Variants in RANBP2 observed in about 807,000 individuals in gnomAD.
The protein encoded by RANBP2 is RAN binding protein 2.
RANBP2 carries 57 observed loss-of-function variants against 303.6 expected under a neutral mutation model. The observed-to-expected ratio is 0.19, with a 90% confidence interval of 0.15 to 0.23. The LOEUF (loss-of-function observed/expected upper bound fraction) is 0.23, where lower values mean the gene tolerates loss of function less well. Among genes scored for constraint, RANBP2 ranks in the 10% least tolerant of loss-of-function variants. The probability of loss-of-function intolerance (pLI) is 1.00; values close to 1 mark genes in which losing one functional copy is unlikely to be tolerated. For missense variants in RANBP2, 3,138 were observed against 3,780.8 expected (o/e 0.83, Z 4.46); for synonymous variants, 1,167 against 1,301.5 (o/e 0.90, Z 2.23).
chr2:109,521,610 C>T, the RANBP2 span, among the ~76,000 whole-genome samples: 2 of 152,212 alleles, frequency 1.3e-5, no homozygotes, highest in Non-Finnish European at 2.9e-5. Flanking sequence ...CTATTCTATT[C>T]TACAGTGTTC....
chr2:109,691,062 A>G, the RANBP2 span, among the ~76,000 whole-genome samples: 1 of 152,200 alleles, frequency 6.6e-6, no homozygotes, highest in Non-Finnish European at 1.5e-5. Context: ...CAGGTTCTTT[A>G]CAAATGACAG....
the RANBP2 span, among the ~76,000 whole-genome samples, chr2:108,937,799 C>T: frequency 1.3e-5 from 2 of 152,086 alleles, no homozygotes; most frequent in Admixed American, 1.3e-4. Flanking sequence ...CAAACCCAGA[C>T]AGGCCCCATG....
At chr2:108,772,093 G>A (rs1222345990) in intron 21 of RANBP2, among the ~76,000 whole-genome samples, 1 of 152,208 alleles carries the variant, frequency 6.6e-6, no homozygotes, top group Admixed American at 6.5e-5. Context: ...TGCCAGGCAC[G>A]TGTTTTGAGG....
chr2:109,529,165 C>T, the RANBP2 span, among the ~76,000 whole-genome samples: 8 of 152,144 alleles, frequency 5.3e-5, no homozygotes, highest in East Asian at 7.7e-4. Context: ...TTGATGGTGG[C>T]GGGTCCTGGA....
At chr2:109,053,851 C>T in the RANBP2 span, among the ~76,000 whole-genome samples, 1 of 152,154 alleles carries the variant, frequency 6.6e-6, no homozygotes, top group African/African-American at 2.4e-5. Flanking sequence ...CATCAAGTTC[C>T]CTTTCTGAGC....
chr2:108,880,142 A>G, the RANBP2 span, among the ~76,000 whole-genome samples: 1 of 151,770 alleles, frequency 6.6e-6, no homozygotes, highest in Admixed American at 6.6e-5. Context: ...ACCAAAAGCT[A>G]TTTCTTTGAA....
the RANBP2 span, among the ~76,000 whole-genome samples, chr2:108,974,555 C>G: frequency 4.6e-5 from 7 of 151,402 alleles, no homozygotes; most frequent in African/African-American, 1.7e-4. Context: ...CATGATGAAA[C>G]CCCATCTCTA....
chr2:109,106,803 C>A, the RANBP2 span, among the ~76,000 whole-genome samples: 1 of 152,122 alleles, frequency 6.6e-6, no homozygotes, highest in East Asian at 1.9e-4. Context: ...CACCACTGCA[C>A]TCCATTCTGG....
chr2:109,232,886 C>T, the RANBP2 span, among the ~76,000 whole-genome samples: 1 of 152,144 alleles, frequency 6.6e-6, no homozygotes, highest in African/African-American at 2.4e-5. Context: ...TTTTGGTTTA[C>T]AGTTCTGTGA....
the RANBP2 span, chr2:109,615,158 G>A: frequency 6.5e-7 from 1 of 1,549,352 alleles, no homozygotes; most frequent in Non-Finnish European, 8.7e-7. Flanking sequence ...TGTGTCCCGG[G>A]GGCAGCAGCC....
the RANBP2 span, among the ~76,000 whole-genome samples, chr2:109,717,659 A>G: frequency 6.6e-6 from 1 of 152,036 alleles, no homozygotes; most frequent in East Asian, 1.9e-4. Flanking sequence ...CACACCTGTA[A>G]TCTCAGCATT....
chr2:109,495,308 T>C, the RANBP2 span, among the ~76,000 whole-genome samples: 1 of 152,134 alleles, frequency 6.6e-6, no homozygotes, highest in South Asian at 2.1e-4. Context: ...TGGTCTGTTC[T>C]GGTGCAGGGC....
the RANBP2 span, among the ~76,000 whole-genome samples, chr2:109,063,223 TC>T: frequency 1.3e-5 from 2 of 152,094 alleles, no homozygotes; most frequent in African/African-American, 4.8e-5. Flanking sequence ...TGCTTGTATA[TC>T]CCCGGGGGCT....
At chr2:109,475,733 A>G in the RANBP2 span, among the ~76,000 whole-genome samples, 3 of 152,224 alleles carry the variant, frequency 2.0e-5, no homozygotes, top group Non-Finnish European at 4.4e-5. Flanking sequence ...AGCTGAAAAT[A>G]TCTCCAAATG....
the RANBP2 span, among the ~76,000 whole-genome samples, chr2:109,648,544 T>C: frequency 7.6e-4 from 115 of 152,310 alleles, no homozygotes; most frequent in Middle Eastern, 0.01. Flanking sequence ...GGTTTCACTA[T>C]GTTGGCCAGG....
the RANBP2 span, among the ~76,000 whole-genome samples, chr2:108,893,854 T>C: frequency 2.6e-5 from 4 of 152,192 alleles, no homozygotes; most frequent in Admixed American, 1.3e-4. Flanking sequence ...TAATCCTCCT[T>C]ATTTTCCTCT....
At chr2:109,022,746 C>G in the RANBP2 span, among the ~76,000 whole-genome samples, 1 of 152,158 alleles carries the variant, frequency 6.6e-6, no homozygotes, top group African/African-American at 2.4e-5. Flanking sequence ...CCCACTAAAT[C>G]TATTTTTTAA....
rs1354724456 is a variant in RANBP2, at chr2:108,773,117, TC to T, written c.8292+72del. 1.4e-5 allele frequency: 21 copies of T among 1,449,966 alleles called. 1 individual carries two copies. The highest frequency in any genetic ancestry group is 2.0e-5 in the Non-Finnish European group (21 of 1,054,408). 89.8% of individuals were successfully genotyped at this position (1,449,966 alleles called of 1,614,324 possible). Reference sequence around the variant, plus strand: ...GTTGATGCAGTAAACTTTAGAATGTTCTTATTTATTTATTTTTGAGACAGAA... The same window carrying T: ...GTTGATGCAGTAAACTTTAGAATGTTTTATTTATTTATTTTTGAGACAGAA... On this transcript the variant is annotated intron_variant, in intron 23 of 28. Transcript: ENST00000283195.
the RANBP2 span, among the ~76,000 whole-genome samples, chr2:109,430,171 G>A: frequency 7.4e-4 from 113 of 152,356 alleles, no homozygotes; most frequent in African/African-American, 2.7e-3. Flanking sequence ...CTGTTGGTGC[G>A]GCCTGAGTTG....
Sources: gnomAD v4.1 joint callset for allele counts (sites outside exome capture counted in the v4.1 genomes callset) on GRCh38, gnomAD v4.1.1 for gene constraint, MANE v1.5 for transcripts, NCBI Gene and HGNC (gene_info 2026-07-23, HGNC 2026-07-21) for gene names.